PBLD: variants seen among roughly 807,000 people sequenced by gnomAD.
PBLD encodes the protein phenazine biosynthesis like protein domain containing, also known as phenazine biosynthesis-like domain-containing protein.
Under a neutral mutation model 31.3 loss-of-function variants are expected in PBLD, and 26 were observed. That is an observed-to-expected ratio of 0.83 (90% confidence interval 0.61 to 1.15). The LOEUF (loss-of-function observed/expected upper bound fraction) is 1.15. PBLD is among the 50% of genes most tolerant of loss of function. The pLI, the probability that PBLD is intolerant of heterozygous loss-of-function variation, is 0.00. For synonymous variants in PBLD, 114 were observed against 129.0 expected (o/e 0.88, Z 0.79); for missense variants, 307 against 351.7 (o/e 0.87, Z 1.02).
intron 4 of PBLD, 191 bp downstream of exon 4, chr10:68,296,075 G>A: frequency 2.3e-6 from 1 of 444,322 alleles, no homozygotes; most frequent in Non-Finnish European, 4.1e-6. Context: ...ATGATGCTGG[G>A]CACATACTCA....
intron 8 of PBLD, chr10:68,288,257 A>G (rs746126861): frequency 6.2e-5 from 33 of 530,576 alleles, no homozygotes; most frequent in Non-Finnish European, 1.0e-4. Context: ...AGGAATGTAA[A>G]CCCAGGCTGT....
chr10:68,302,477 G>A (rs2044517211), intron 2 of PBLD, among the ~76,000 whole-genome samples: 1 of 152,148 alleles, frequency 6.6e-6, no homozygotes, highest in Non-Finnish European at 1.5e-5. Flanking sequence ...CTGTAGATAA[G>A]GTTCCAGTAA....
rs527576855 is a variant in PBLD at position 68,296,966 on chromosome 10, T to C, written c.104A>G (p.His35Arg). The C allele has an allele frequency of 1.0e-4, 169 of 1,613,556 alleles. 1 individual carries two copies. In the South Asian group the frequency reaches 1.8e-3, roughly 18 times the overall value. ...LLENELDEDMHQKIAREMNLS... is the reference protein window; with the variant it reads ...LLENELDEDMRQKIAREMNLS... The stretch of plus-strand genomic sequence containing the variant: ...GTTCATCTCCCTTGCAATTTTCTGA[T>C]GCATGTCTTCATCCAATTCCTTAAT... Residue 35 changes from histidine to arginine, a missense_variant, in exon 3 of 10, where the codon CAT becomes CGT. By Grantham distance (29) the His-to-Arg change is conservative (BLOSUM62 0). Coordinates refer to ENST00000358769, the MANE Select transcript of PBLD (RefSeq NM_022129.4).
chr10:68,327,740 A>G (rs2134557502), intron 1 of PBLD, among the ~76,000 whole-genome samples: 1 of 151,466 alleles, frequency 6.6e-6, no homozygotes, highest in African/African-American at 2.4e-5. Context: ...TCAATGCTGT[A>G]TTTTCAAAGT....
At chr10:68,285,153 G>T in intron 9 of PBLD, 195 bp downstream of exon 9, 1 of 1,437,836 alleles carries the variant, frequency 7.0e-7, no homozygotes, top group Non-Finnish European at 9.1e-7. Context: ...TACAGTCTCT[G>T]TATGTTGGGG....
Position 68,282,812 on chromosome 10 carries a change from C to T in PBLD, c.*1365G>A, listed in dbSNP as rs1293417287. On this transcript the variant is annotated 3_prime_UTR_variant, in exon 10 of 10. Coordinates refer to ENST00000358769, the MANE Select transcript of PBLD (RefSeq NM_022129.4). The stretch of plus-strand genomic sequence containing the variant: ...ATTGGGGTCATTAAAGAATGTCTGA[C>T]TGATTAGCTTGCAGTTTTTGAGACG... The T allele has an allele frequency of 1.3e-5, 2 of 152,120 alleles. No individual in the cohort carries two copies. The highest frequency in any genetic ancestry group is 1.3e-4 in the Admixed American group (2 of 15,272). 9.4% of individuals were successfully genotyped at this position (152,120 alleles called of 1,614,324 possible).
intron 6 of PBLD, among the ~76,000 whole-genome samples, chr10:68,290,119 C>T (rs150577108): frequency 1.2e-3 from 177 of 152,270 alleles, no homozygotes; most frequent in African/African-American, 4.0e-3. Flanking sequence ...TCCCACACCA[C>T]CAAGTCATCC....
intron 1 of PBLD, among the ~76,000 whole-genome samples, chr10:68,308,532 C>T (rs1417930308): frequency 1.3e-5 from 2 of 151,062 alleles, no homozygotes; most frequent in Non-Finnish European, 2.9e-5. Flanking sequence ...TTTTCATTTG[C>T]ATTTCTTAGA....
At chr10:68,289,407 A>T in intron 6 of PBLD, among the ~76,000 whole-genome samples, 1 of 152,020 alleles carries the variant, frequency 6.6e-6, no homozygotes, top group Non-Finnish European at 1.5e-5. Context: ...CACTCCTGTA[A>T]TCTCAGCTAC....
Position 68,306,792 on chromosome 10 carries a change from C to G in PBLD, c.53G>C (p.Gly18Ala), listed in dbSNP as rs1310008667. 3.7e-6 allele frequency: 6 copies of G among 1,611,666 alleles called. No individual in the cohort carries two copies. The South Asian group carries it at 6.6e-5, about 18-fold the overall frequency. ...TAGGAGGCAAACAGCAGCAGGATTC[C>G]CACGAAATGCTCTTGCTGTGAATGC... is the stretch of plus-strand genomic sequence containing the variant. ...ADAFTARAFR[G>A]NPAAVCLLEN... The change falls in exon 2 of 10, where the codon GGG (glycine) becomes GCG (alanine). Residue 18 changes from glycine to alanine, a missense_variant. Coordinates refer to ENST00000358769, the MANE Select transcript of PBLD (RefSeq NM_022129.4).
At chr10:68,324,161 T>C (rs1433540094) in intron 1 of PBLD, among the ~76,000 whole-genome samples, 2 of 152,128 alleles carry the variant, frequency 1.3e-5, no homozygotes, top group Non-Finnish European at 2.9e-5. Context: ...ATTTTCTTTT[T>C]TTTTTTTGAG....
At chr10:68,302,844 A>G (rs923420289) in intron 2 of PBLD, among the ~76,000 whole-genome samples, 19 of 130,976 alleles carry the variant, frequency 1.5e-4, no homozygotes, top group Admixed American at 8.2e-4. Flanking sequence ...CTGTCTCTGG[A>G]AAAAAAAAAA....
chr10:68,325,068 AC>A (rs2044896167), intron 1 of PBLD, among the ~76,000 whole-genome samples: 1 of 151,912 alleles, frequency 6.6e-6, no homozygotes, highest in South Asian at 2.1e-4. Flanking sequence ...ACATGGTGAA[AC>A]CCTGTTTCTA....
At chr10:68,317,843 C>A (rs1178210787) in intron 1 of PBLD, among the ~76,000 whole-genome samples, 1 of 151,716 alleles carries the variant, frequency 6.6e-6, no homozygotes, top group African/African-American at 2.4e-5. Flanking sequence ...ATTTGTTGCA[C>A]AATGATATGA....
intron 1 of PBLD, among the ~76,000 whole-genome samples, chr10:68,327,291 T>C (rs2044936875): frequency 6.6e-6 from 1 of 152,232 alleles, no homozygotes; most frequent in South Asian, 2.1e-4. Flanking sequence ...AAAGTGTCCC[T>C]GCCCCCAGTG....
chr10:68,324,453 G>A (rs182623537), intron 1 of PBLD, among the ~76,000 whole-genome samples: 3 of 151,954 alleles, frequency 2.0e-5, no homozygotes, highest in Non-Finnish European at 2.9e-5. Flanking sequence ...GAGATTACAG[G>A]TGTGAGCCAC....
chr10:68,300,294 T>C (rs546428760), intron 2 of PBLD, among the ~76,000 whole-genome samples: 2 of 152,272 alleles, frequency 1.3e-5, no homozygotes, highest in African/African-American at 4.8e-5. Context: ...AGCTTTTTAT[T>C]TGAGTGGCTC....
At position 68,302,956 on chromosome 10, in the gene PBLD, T is replaced by C. The variant is rs917148438; in HGVS notation, c.84+3805A>G. 3.3e-5 allele frequency among the ~76,000 whole-genome samples: 5 copies of C among 152,142 alleles called. No homozygotes were observed. In the South Asian group the frequency reaches 6.2e-4, roughly 19 times the overall value. ...GTTTTTTACCCAGCTATCATCATAA[T>C]GTATCTGTTTTACTTTTTACATTGC... is the stretch of plus-strand genomic sequence containing the variant. On this transcript the variant is annotated intron_variant, in intron 2 of 9. Coordinates refer to ENST00000358769, the MANE Select transcript of PBLD (RefSeq NM_022129.4).
At chr10:68,289,651 A>G (rs1393250423) in intron 6 of PBLD, among the ~76,000 whole-genome samples, 1 of 130,720 alleles carries the variant, frequency 7.6e-6, no homozygotes, top group African/African-American at 2.8e-5. Flanking sequence ...AGAGACTTAG[A>G]AAGGCCAAAG....
Sources: gnomAD v4.1 joint callset for allele counts (sites outside exome capture counted in the v4.1 genomes callset) on GRCh38, gnomAD v4.1.1 for gene constraint, MANE v1.5 for transcripts, NCBI Gene and HGNC (gene_info 2026-07-23, HGNC 2026-07-21) for gene names.